PCP4L1: variants seen among roughly 807,000 people sequenced by gnomAD.
PCP4L1 encodes the protein Purkinje cell protein 4 like 1, also known as Purkinje cell protein 4-like protein 1.
In PCP4L1, 9 loss-of-function variants were observed where a neutral mutation model predicts 9.6. The observed-to-expected ratio is 0.94, with a 90% CI of 0.57 to 1.64. PCP4L1 has a LOEUF of 1.64. PCP4L1 is among the 40% of genes most tolerant of loss of function. PCP4L1 has a pLI of 0.00. For synonymous variants in PCP4L1, 31 were observed against 28.2 expected, an observed-to-expected ratio of 1.10 and a Z score of -0.31; for missense variants, 81 against 80.8, an observed-to-expected ratio of 1.00 and a Z score of -0.01.
chr1:161,266,149 C>T (rs969378720), intron 1 of PCP4L1, among the ~76,000 whole-genome samples: 1 of 152,108 alleles, frequency 6.6e-6, no homozygotes, highest in African/African-American at 2.4e-5. Context: ...TTCTATTTCC[C>T]TCCAGGCTTA....
Position 161,284,392 on chromosome 1 carries a change from C to T in PCP4L1, c.118C>T (p.Leu40=). The change falls in exon 3 of 3, where the codon CTG becomes TTG. Residue 40 remains leucine, a synonymous_variant. Transcript: ENST00000504449. The part of the protein sequence containing the change: ...AEEEEEIDID[L]TAPETEKAAL... ...GGAGGAGGAGGAGATTGACATTGAT[C>T]TGACAGCACCAGAAACAGAGAAGGC... The T allele has an allele frequency of 6.2e-7, 1 of 1,613,980 alleles. No homozygotes were observed. The highest frequency in any genetic ancestry group is 8.5e-7 in the Non-Finnish European group (1 of 1,179,886).
intron 1 of PCP4L1, among the ~76,000 whole-genome samples, chr1:161,267,502 C>T (rs1371900633): frequency 6.6e-6 from 1 of 152,190 alleles, no homozygotes; most frequent in African/African-American, 2.4e-5. Flanking sequence ...GCAACACTAT[C>T]TTCCCTTTTC....
intron 1 of PCP4L1, among the ~76,000 whole-genome samples, chr1:161,267,936 C>T (rs1669556282): frequency 6.6e-6 from 1 of 152,194 alleles, no homozygotes; most frequent in Non-Finnish European, 1.5e-5. Context: ...TGGTCTCAAA[C>T]TCCTGACCTC....
intron 1 of PCP4L1, among the ~76,000 whole-genome samples, chr1:161,270,767 G>C (rs530399147): frequency 6.6e-6 from 1 of 151,608 alleles, no homozygotes; most frequent in Admixed American, 6.6e-5. Context: ...CCCAGCTACT[G>C]GGGTAGCTGA....
At chr1:161,275,515 C>CAAAAAAAA (rs11302998) in intron 1 of PCP4L1, among the ~76,000 whole-genome samples, 4 of 91,880 alleles carry the variant, frequency 4.4e-5, no homozygotes, top group African/African-American at 1.2e-4. Context: ...GACTCCGTCT[C>CAAAAAAAA]AAAAAAAAAA....
intron 1 of PCP4L1, among the ~76,000 whole-genome samples, chr1:161,276,457 A>T (rs1023338137): frequency 6.6e-6 from 1 of 152,036 alleles, no homozygotes; most frequent in African/African-American, 2.4e-5. Context: ...CTGAGATAGG[A>T]GGATTGCTTG....
rs147431097 is a variant in PCP4L1, at chr1:161,268,925, C to G, written c.9+9942C>G. ...AGCACAGCAAAGCTAAGTAATTTAC[C>G]CAATGTCACACAGCTAGGAATGACA... On this transcript the variant is annotated intron_variant, in intron 1 of 2. Coordinates refer to ENST00000504449, the MANE Select transcript of PCP4L1 (RefSeq NM_001102566.2). 5.3e-4 allele frequency among the ~76,000 whole-genome samples: 81 copies of G among 152,240 alleles called. 2 individuals are homozygous for G. The East Asian group carries it at 7.5e-3, about 14-fold the overall frequency.
chr1:161,274,369 A>G (rs1378496201), intron 1 of PCP4L1, among the ~76,000 whole-genome samples: 1 of 152,148 alleles, frequency 6.6e-6, no homozygotes, highest in Non-Finnish European at 1.5e-5. Context: ...CTGTCTCAAA[A>G]AAAAGAAAAG....
At chr1:161,259,717 G>A (rs938559383) in intron 1 of PCP4L1, among the ~76,000 whole-genome samples, 1 of 152,200 alleles carries the variant, frequency 6.6e-6, no homozygotes, top group Non-Finnish European at 1.5e-5. Context: ...TTGGAAAGAC[G>A]TCTCCTATTG....
chr1:161,270,400 T>C (rs1433194930), intron 1 of PCP4L1, among the ~76,000 whole-genome samples: 1 of 152,030 alleles, frequency 6.6e-6, no homozygotes. Flanking sequence ...GCCAACTGTG[T>C]TAGGGTGTGC....
rs116857822 is a variant in PCP4L1, at chr1:161,280,084, A to G, written c.10-3584A>G. Among the ~76,000 whole-genome samples, 7 of 152,300 alleles carry G rather than the reference A, an allele frequency of 4.6e-5. No individual in the cohort carries two copies. The East Asian group carries it at 1.3e-3, about 29-fold the overall frequency. On this transcript the variant is annotated intron_variant, in intron 1 of 2. Transcript: ENST00000504449. ...GGGCCTTAATGTCTCCAGCAATCCTATCACTGTTCCTTAGTCCATTTACTC... is the reference window on the plus strand; with the variant it reads ...GGGCCTTAATGTCTCCAGCAATCCTGTCACTGTTCCTTAGTCCATTTACTC...
rs1351897390 is a variant in PCP4L1 at position 161,258,831 on chromosome 1, C to T, written c.-144C>T. 4.7e-6 allele frequency: 6 copies of T among 1,272,918 alleles called. No individual in the cohort carries two copies. The highest frequency in any genetic ancestry group is 6.6e-6 in the Non-Finnish European group (6 of 912,952). 78.9% of individuals were successfully genotyped at this position (1,272,918 alleles called of 1,614,324 possible). A position where few individuals can be genotyped will look rare whatever the true frequency, so the allele number is the denominator to read the frequency against. ...CCGGGTGCCAGCACCAGAGCAGCGGCTCTCCGCACTAACTCTCCTCTCCTG... is the reference window on the plus strand; with the variant it reads ...CCGGGTGCCAGCACCAGAGCAGCGGTTCTCCGCACTAACTCTCCTCTCCTG... On this transcript the variant is annotated 5_prime_UTR_variant, in exon 1 of 3. Coordinates refer to ENST00000504449, the MANE Select transcript of PCP4L1 (RefSeq NM_001102566.2).
At chr1:161,278,482 T>A (rs1406090970) in intron 1 of PCP4L1, among the ~76,000 whole-genome samples, 1 of 151,986 alleles carries the variant, frequency 6.6e-6, no homozygotes, top group East Asian at 1.9e-4. Context: ...TTGCCTGGGC[T>A]GGTCATGAAC....
At chr1:161,263,588 CT>C (rs11355401) in intron 1 of PCP4L1, among the ~76,000 whole-genome samples, 12,516 of 141,610 alleles carry the variant, frequency 0.088, 543 homozygotes, top group Non-Finnish European at 0.12. Flanking sequence ...ATTTCAAGTA[CT>C]TTTTTTTTTT....
chr1:161,260,546 G>A (rs1264631592), intron 1 of PCP4L1, among the ~76,000 whole-genome samples: 1 of 152,192 alleles, frequency 6.6e-6, no homozygotes, highest in Admixed American at 6.5e-5. Flanking sequence ...GTGATCTGAA[G>A]GCTATGCCAA....
At position 161,258,915 on chromosome 1, in the gene PCP4L1, C is replaced by G. The variant is rs548228397; in HGVS notation, c.-60C>G. The G allele has an allele frequency of 2.6e-4, 397 of 1,534,976 alleles. 2 individuals are homozygous for G. The African/African-American group carries it at 4.6e-3, about 18-fold the overall frequency. On this transcript the variant is annotated 5_prime_UTR_variant, in exon 1 of 3. Transcript: ENST00000504449. ...CTTTCAGCTGTCGCCCGCGGAGCCC[C>G]GAGGGCCACTCGCCTCACCTGTGCG... is the stretch of plus-strand genomic sequence containing the variant.
intron 1 of PCP4L1, among the ~76,000 whole-genome samples, chr1:161,278,685 T>G (rs1329624699): frequency 6.6e-6 from 1 of 152,182 alleles, no homozygotes; most frequent in East Asian, 1.9e-4. Context: ...AAATCGAAAT[T>G]CTTTGTCCTG....
In PCP4L1 at chr1:161,272,186, C is replaced by CCTT. The variant is rs538095242; in HGVS notation, c.10-11482_10-11481insCTT. Among the ~76,000 whole-genome samples the CCTT allele has an allele frequency of 2.9e-3, 417 of 145,460 alleles. 3 individuals carry two copies. The highest frequency in any genetic ancestry group is 0.01 in the African/African-American group (406 of 39,422). On this transcript the variant is annotated intron_variant, in intron 1 of 2. Transcript: ENST00000504449. ...TATAGTGATCAGATTGGGGTAATCCCTTTTTTTTTTTTTAAGCAAATTCTT... is the reference window on the plus strand; with the variant it reads ...TATAGTGATCAGATTGGGGTAATCCCCTTTTTTTTTTTTTTTAAGCAAATTCTT...
At position 161,284,363 on chromosome 1, in the gene PCP4L1, C is replaced by A; in HGVS notation, c.89C>A (p.Ala30Glu). 6.2e-7 allele frequency: 1 copy of A among 1,613,640 alleles called. No individual in the cohort carries two copies. Residue 30 changes from alanine to glutamate, a missense_variant, in exon 3 of 3, where the codon GCG (alanine) becomes GAG (glutamate). Coordinates refer to ENST00000504449, the MANE Select transcript of PCP4L1 (RefSeq NM_001102566.2). ...EKGKAGNVKK[A>E]EEEEEIDIDL... Reference sequence around the variant, plus strand: ...GGAAAAGCTGGCAATGTCAAGAAGGCGGAGGAGGAGGAGGAGATTGACATT... The same window carrying A: ...GGAAAAGCTGGCAATGTCAAGAAGGAGGAGGAGGAGGAGGAGATTGACATT...
Sources: gnomAD v4.1 joint callset for allele counts (sites outside exome capture counted in the v4.1 genomes callset) on GRCh38, gnomAD v4.1.1 for gene constraint, MANE v1.5 for transcripts, NCBI Gene and HGNC (gene_info 2026-07-23, HGNC 2026-07-21) for gene names.